CLSTN2: variants seen among roughly 807,000 people sequenced by gnomAD.
CLSTN2 encodes calsyntenin 2.
Under a neutral mutation model 101.2 loss-of-function variants are expected in CLSTN2, and 48 were observed. The ratio of observed to expected loss-of-function variants is 0.47; its 90% CI spans 0.38 to 0.60. The LOEUF is 0.60. Ranked by LOEUF, CLSTN2 falls within the 20% of genes least tolerant of loss-of-function variation. The probability of loss-of-function intolerance (pLI) is 0.00; values close to 1 mark genes in which losing one functional copy is unlikely to be tolerated. For missense variants in CLSTN2, 1,160 were observed against 1,238.2 expected (o/e 0.94, Z 0.95); for synonymous variants, 481 against 463.6 (o/e 1.04, Z -0.48).
chr3:140,136,720 AGTT>A (rs1408058935), intron 1 of CLSTN2, among the ~76,000 whole-genome samples: 1 of 152,148 alleles, frequency 6.6e-6, no homozygotes, highest in Non-Finnish European at 1.5e-5. Flanking sequence ...TGCCTTGCAG[AGTT>A]GTTGTGAGAA....
At chr3:140,007,617 A>G (rs1232273615) in intron 1 of CLSTN2, among the ~76,000 whole-genome samples, 1 of 152,188 alleles carries the variant, frequency 6.6e-6, no homozygotes, top group East Asian at 1.9e-4. Context: ...GATTCCATCC[A>G]CCATCCCACT....
intron 9 of CLSTN2, among the ~76,000 whole-genome samples, chr3:140,536,315 T>C (rs1204913945): frequency 6.6e-6 from 1 of 151,948 alleles, no homozygotes; most frequent in Non-Finnish European, 1.5e-5. Flanking sequence ...GCTTGAATGA[T>C]TGTGTAAATT....
chr3:140,054,947 T>G (rs2107770080), intron 1 of CLSTN2, among the ~76,000 whole-genome samples: 1 of 152,328 alleles, frequency 6.6e-6, no homozygotes, highest in Middle Eastern at 3.4e-3. Flanking sequence ...TCCACCCAAC[T>G]TCTCAGAAAC....
chr3:140,034,524 G>C (rs1282364166), intron 1 of CLSTN2, among the ~76,000 whole-genome samples: 1 of 152,192 alleles, frequency 6.6e-6, no homozygotes, highest in African/African-American at 2.4e-5. Flanking sequence ...CTGCCATTAA[G>C]CATTCCACAT....
At position 140,240,174 on chromosome 3, in the gene CLSTN2, C is replaced by CTCTCTA. The variant is rs1311225528; in HGVS notation, c.232+64102_232+64103insCTCTAT. On this transcript the variant is annotated intron_variant, in intron 2 of 16. Coordinates refer to ENST00000458420, the MANE Select transcript of CLSTN2 (RefSeq NM_022131.3). ...TCTGTCTCTCTCTCTCTCTCTCTCTCTATATATATATATATATATATATAT... is the reference window on the plus strand; with the variant it reads ...TCTGTCTCTCTCTCTCTCTCTCTCTCTCTCTATATATATATATATATATATATATAT... Among the ~76,000 whole-genome samples, 56 of 13,310 alleles carry CTCTCTA rather than the reference C, an allele frequency of 4.2e-3. 1 individual carries two copies. Among genetic ancestry groups the CTCTCTA allele is most frequent in the Non-Finnish European group, 9.6e-3 (27 of 2,802 alleles). 8.7% of individuals were successfully genotyped at this position (13,310 alleles called of 152,430 possible).
intron 8 of CLSTN2, among the ~76,000 whole-genome samples, chr3:140,481,059 C>T (rs1023787388): frequency 3.9e-5 from 6 of 152,118 alleles, no homozygotes; most frequent in African/African-American, 9.7e-5. Context: ...ATGTTTTGTT[C>T]GAGGGTTTTT....
chr3:140,388,356 A>C (rs1159847239), intron 2 of CLSTN2, among the ~76,000 whole-genome samples: 1 of 152,246 alleles, frequency 6.6e-6, no homozygotes, highest in Non-Finnish European at 1.5e-5. Flanking sequence ...GGAGATACAT[A>C]AATCACACAG....
In CLSTN2 at chr3:140,202,613, G is replaced by A. The variant is rs77115485; in HGVS notation, c.232+26540G>A. 5.2e-3 allele frequency among the ~76,000 whole-genome samples: 795 copies of A among 152,306 alleles called. 10 individuals carry two copies. The highest frequency in any genetic ancestry group is 0.019 in the African/African-American group (778 of 41,550). On this transcript the variant is annotated intron_variant, in intron 2 of 16. Transcript: ENST00000458420. Reference sequence around the variant, plus strand: ...TTGGATGCCAAAGCCTGGAGGTTGGGAGAAAAGTCTGACTGCAGAAATAAA... The same window carrying A: ...TTGGATGCCAAAGCCTGGAGGTTGGAAGAAAAGTCTGACTGCAGAAATAAA...
At chr3:140,565,299 G>A (rs1936005366) in intron 16 of CLSTN2, among the ~76,000 whole-genome samples, 1 of 152,168 alleles carries the variant, frequency 6.6e-6, no homozygotes, top group African/African-American at 2.4e-5. Flanking sequence ...TTTGGGGTAA[G>A]GTAGAAGGTA....
chr3:140,377,022 C>CACACAGAGAGAGAGAGAGAGAGAG (rs148236356), intron 2 of CLSTN2, among the ~76,000 whole-genome samples: 2 of 148,722 alleles, frequency 1.3e-5, no homozygotes, highest in African/African-American at 5.0e-5. Flanking sequence ...CACACATACA[C>CACACAGAGAGAGAGAGAGAGAGAG]AGAGAGAGAG....
intron 2 of CLSTN2, among the ~76,000 whole-genome samples, chr3:140,397,484 T>A (rs1349346386): frequency 6.6e-6 from 1 of 152,190 alleles, no homozygotes; most frequent in East Asian, 1.9e-4. Flanking sequence ...ACGAAATACC[T>A]TAGAGTGGTG....
chr3:140,434,390 C>T (rs533206257), intron 5 of CLSTN2, among the ~76,000 whole-genome samples: 90 of 152,320 alleles, frequency 5.9e-4, no homozygotes, highest in African/African-American at 2.1e-3. Flanking sequence ...CAACTCAAGA[C>T]ACTTCCCTCA....
chr3:140,470,374 C>A (rs954673449), intron 8 of CLSTN2, among the ~76,000 whole-genome samples: 8 of 152,130 alleles, frequency 5.3e-5, no homozygotes, highest in Admixed American at 5.2e-4. Context: ...TGCAGGGGCA[C>A]CTGGGGCTGA....
At chr3:139,977,336 A>G (rs1364451251) in intron 1 of CLSTN2, among the ~76,000 whole-genome samples, 3 of 151,970 alleles carry the variant, frequency 2.0e-5, no homozygotes, top group African/African-American at 7.3e-5. Context: ...AGAGAAAAGC[A>G]CCTCATGGTG....
At chr3:140,467,412 A>G (rs1368610026) in intron 8 of CLSTN2, among the ~76,000 whole-genome samples, 1 of 152,164 alleles carries the variant, frequency 6.6e-6, no homozygotes, top group African/African-American at 2.4e-5. Context: ...GCAAGACTAG[A>G]GTTGGCCTTT....
intron 2 of CLSTN2, among the ~76,000 whole-genome samples, chr3:140,276,791 G>A (rs879335388): frequency 1.3e-5 from 2 of 152,320 alleles, no homozygotes; most frequent in African/African-American, 4.8e-5. Flanking sequence ...TGTATCAAAG[G>A]ATGGGGGAAG....
intron 1 of CLSTN2, among the ~76,000 whole-genome samples, chr3:140,171,658 A>ACG (rs1162640285): frequency 1.5e-4 from 3 of 20,332 alleles, no homozygotes; most frequent in African/African-American, 4.1e-4. Flanking sequence ...TACGTATTAT[A>ACG]TATTATATAT....
intron 2 of CLSTN2, among the ~76,000 whole-genome samples, chr3:140,329,618 T>C (rs9858505): frequency 0.56 from 84,667 of 151,910 alleles, 24,310 homozygotes; most frequent in Non-Finnish European, 0.64. Context: ...TCATCCTAAC[T>C]TTATAAAAAA....
intron 2 of CLSTN2, among the ~76,000 whole-genome samples, chr3:140,271,601 T>C (rs2086742575): frequency 6.6e-6 from 1 of 152,162 alleles, no homozygotes; most frequent in Non-Finnish European, 1.5e-5. Context: ...CCCTCAGGCC[T>C]CTTTCATAAG....
Sources: gnomAD v4.1 joint callset for allele counts (sites outside exome capture counted in the v4.1 genomes callset) on GRCh38, gnomAD v4.1.1 for gene constraint, MANE v1.5 for transcripts, NCBI Gene and HGNC (gene_info 2026-07-23, HGNC 2026-07-21) for gene names.